Variants in SDK1 observed in about 807,000 individuals in gnomAD.
SDK1 encodes sidekick cell adhesion molecule 1.
A neutral mutation model predicts 245.5 loss-of-function variants in SDK1; 157 were observed. That is an observed-to-expected ratio of 0.64 (90% CI 0.56 to 0.73). The LOEUF (loss-of-function observed/expected upper bound fraction) is 0.73. Among genes scored for constraint, SDK1 ranks in the 30% least tolerant of loss-of-function variants. SDK1 has a pLI of 0.00. For synonymous variants in SDK1, 1,647 were observed against 1,278.5 expected (o/e 1.29, Z -6.15); for missense variants, 3,583 against 3,002.3 (o/e 1.19, Z -4.52).
chr7:4,254,800 G>A (rs1281516919), intron 44 of SDK1, among the ~76,000 whole-genome samples: 1 of 152,158 alleles, frequency 6.6e-6, no homozygotes, highest in Non-Finnish European at 1.5e-5. Context: ...ATTCAGTGAA[G>A]TCCATTTCCC....
intron 4 of SDK1, among the ~76,000 whole-genome samples, chr7:3,663,651 C>T (rs1371838240): frequency 6.6e-6 from 1 of 152,156 alleles, no homozygotes; most frequent in African/African-American, 2.4e-5. Context: ...CCAGTTTTAG[C>T]ACTGAGAGTC....
chr7:3,768,432 T>C (rs1032731531), intron 4 of SDK1, among the ~76,000 whole-genome samples: 2 of 152,160 alleles, frequency 1.3e-5, no homozygotes, highest in African/African-American at 4.8e-5. Context: ...TAAATAAAAA[T>C]CAGTAACTTC....
At position 4,034,171 on chromosome 7, in the gene SDK1, G is replaced by T. The variant is rs544332998; in HGVS notation, c.2603-15177G>T. Among the ~76,000 whole-genome samples the T allele has an allele frequency of 2.0e-5, 3 of 152,320 alleles. No homozygotes were observed. The South Asian group carries it at 6.2e-4, about 32-fold the overall frequency. On this transcript the variant is annotated intron_variant, in intron 17 of 44. Coordinates refer to ENST00000404826, the MANE Select transcript of SDK1 (RefSeq NM_152744.4). ...GATGGACTCAAACTAGGAACATATT[G>T]CACAAGAAATTGGACGGCAGCCTCC...
intron 1 of SDK1, among the ~76,000 whole-genome samples, chr7:3,591,278 G>A (rs1332832671): frequency 1.3e-5 from 2 of 152,148 alleles, no homozygotes; most frequent in African/African-American, 2.4e-5. Flanking sequence ...CTGAGTGCCA[G>A]GACCTAAGTT....
intron 1 of SDK1, among the ~76,000 whole-genome samples, chr7:3,536,257 G>C (rs955304605): frequency 6.6e-6 from 1 of 151,392 alleles, no homozygotes; most frequent in Non-Finnish European, 1.5e-5. Flanking sequence ...TACTAGAGAC[G>C]GGGTTGCACC....
At chr7:4,080,852 TATA>T (rs936103407) in intron 22 of SDK1, among the ~76,000 whole-genome samples, 2 of 151,904 alleles carry the variant, frequency 1.3e-5, no homozygotes, top group African/African-American at 4.8e-5. Flanking sequence ...AAACTTAAAG[TATA>T]ATAATAATAA....
At chr7:3,337,171 C>G (rs560332771) in intron 1 of SDK1, among the ~76,000 whole-genome samples, 1 of 152,112 alleles carries the variant, frequency 6.6e-6, no homozygotes, top group Non-Finnish European at 1.5e-5. Context: ...ATTACAAATT[C>G]TTTTGAAACA....
At chr7:3,608,441 T>G (rs1439865620) in intron 1 of SDK1, among the ~76,000 whole-genome samples, 1 of 152,126 alleles carries the variant, frequency 6.6e-6, no homozygotes, top group Non-Finnish European at 1.5e-5. Context: ...TTCTTGAAAA[T>G]GAAGAAAATA....
intron 4 of SDK1, among the ~76,000 whole-genome samples, chr7:3,674,873 G>T (rs774802182): frequency 6.6e-6 from 1 of 152,204 alleles, no homozygotes; most frequent in Non-Finnish European, 1.5e-5. Flanking sequence ...AATGCTGGTA[G>T]ACTCAAGCCA....
intron 4 of SDK1, among the ~76,000 whole-genome samples, chr7:3,742,198 C>T (rs766635155): frequency 6.6e-5 from 10 of 150,742 alleles, no homozygotes; most frequent in African/African-American, 9.8e-5. Flanking sequence ...CAATGTTTTC[C>T]GTATCTCTGG....
rs553631767 is a variant in SDK1, at chr7:3,642,007, A to T, written c.615A>T (p.Gly205=). Residue 205 remains glycine, a synonymous_variant, in exon 4 of 45, where the codon GGA becomes GGT. Coordinates refer to ENST00000404826, the MANE Select transcript of SDK1 (RefSeq NM_152744.4). ...ACCAGAGGAAAACAGTTTCTCAAGG[A>T]CGTGCAGCGATTCTAAACCTGCTGC... ...DTDQRKTVSQ[G]RAAILNLLPI... 1.1e-5 allele frequency: 17 copies of T among 1,614,078 alleles called. No homozygotes were observed. In the South Asian group the frequency reaches 1.8e-4, roughly 17 times the overall value.
At chr7:4,057,946 A>G (rs556641968) in intron 19 of SDK1, among the ~76,000 whole-genome samples, 2 of 152,364 alleles carry the variant, frequency 1.3e-5, no homozygotes, top group Admixed American at 1.3e-4. Context: ...TAGAAGAAGC[A>G]ACTGTTACAC....
intron 1 of SDK1, among the ~76,000 whole-genome samples, chr7:3,526,679 G>C (rs561548170): frequency 3.6e-4 from 55 of 151,926 alleles, no homozygotes; most frequent in African/African-American, 1.3e-3. Context: ...ATTTATTTTT[G>C]TCAAGTTTTT....
At chr7:4,008,088 A>C (rs1785635543) in intron 14 of SDK1, among the ~76,000 whole-genome samples, 1 of 151,668 alleles carries the variant, frequency 6.6e-6, no homozygotes, top group Non-Finnish European at 1.5e-5. Context: ...TGCTCCTCCT[A>C]CTTTCTGTCT....
intron 1 of SDK1, among the ~76,000 whole-genome samples, chr7:3,433,571 C>G (rs754970117): frequency 2.0e-5 from 3 of 152,116 alleles, no homozygotes; most frequent in Non-Finnish European, 4.4e-5. Context: ...GAAATAGAAA[C>G]AATTTTCTAG....
At chr7:3,898,113 A>G (rs1448231223) in intron 5 of SDK1, among the ~76,000 whole-genome samples, 1 of 152,228 alleles carries the variant, frequency 6.6e-6, no homozygotes, top group East Asian at 1.9e-4. Flanking sequence ...AGATGTGAAC[A>G]TCCATGAATG....
intron 1 of SDK1, among the ~76,000 whole-genome samples, chr7:3,592,511 T>G (rs924745409): frequency 6.6e-6 from 1 of 152,222 alleles, no homozygotes; most frequent in Non-Finnish European, 1.5e-5. Flanking sequence ...CTTGCGACAT[T>G]TTAATGATGC....
chr7:4,262,480 C>T (rs1788080910), intron 44 of SDK1, among the ~76,000 whole-genome samples: 4 of 151,740 alleles, frequency 2.6e-5, no homozygotes, highest in Admixed American at 2.0e-4. Flanking sequence ...AAAAAAGCCT[C>T]AAAGGGACTG....
chr7:3,663,452 C>G (rs1332193176), intron 4 of SDK1, among the ~76,000 whole-genome samples: 2 of 152,148 alleles, frequency 1.3e-5, no homozygotes, highest in Non-Finnish European at 2.9e-5. Flanking sequence ...GGGGCTTGTT[C>G]TCAGGGCCTT....
Sources: gnomAD v4.1 joint callset for allele counts (sites outside exome capture counted in the v4.1 genomes callset) on GRCh38, gnomAD v4.1.1 for gene constraint, MANE v1.5 for transcripts, NCBI Gene and HGNC (gene_info 2026-07-23, HGNC 2026-07-21) for gene names.